The following DSCAM variants were observed in gnomAD, a reference collection of about 807,000 sequenced individuals.
The protein encoded by DSCAM is cell adhesion molecule DSCAM.
A neutral mutation model predicts 217.7 loss-of-function variants in DSCAM; 47 were observed. The ratio of observed to expected loss-of-function variants is 0.22; its 90% CI spans 0.17 to 0.28. The LOEUF (loss-of-function observed/expected upper bound fraction) is 0.28, where lower values mean the gene tolerates loss of function less well. Among genes scored for constraint, DSCAM ranks in the 10% least tolerant of loss-of-function variants. The pLI is 1.00. For synonymous variants in DSCAM, 1,056 were observed against 1,015.3 expected (o/e 1.04, Z -0.76); for missense variants, 2,080 against 2,618.3 (o/e 0.79, Z 4.49).
Position 40,159,879 on chromosome 21 carries a change from G to A in DSCAM, c.3018+7339C>T, listed in dbSNP as rs150378828. On this transcript the variant is annotated intron_variant, in intron 16 of 32. Transcript: ENST00000400454. Reference sequence around the variant, plus strand: ...ATTACAGGCATGTGCCACTGTGCCCGACCCTATCCATCTATTATTAGGTTA... The same window carrying A: ...ATTACAGGCATGTGCCACTGTGCCCAACCCTATCCATCTATTATTAGGTTA... Among the ~76,000 whole-genome samples, 230 of 152,296 alleles carry A rather than the reference G, an allele frequency of 1.5e-3. 1 individual carries two copies. The highest frequency in any genetic ancestry group is 5.2e-3 in the African/African-American group (218 of 41,554).
At chr21:40,300,664 T>A (rs1255757282) in intron 9 of DSCAM, among the ~76,000 whole-genome samples, 1 of 152,218 alleles carries the variant, frequency 6.6e-6, no homozygotes, top group East Asian at 1.9e-4. Flanking sequence ...ATAAATTCTC[T>A]GCCTCTGCCT....
chr21:40,128,871 G>A lies in DSCAM; in HGVS notation c.3563-4543C>T, dbSNP rs148718957. 1.7e-3 allele frequency among the ~76,000 whole-genome samples: 261 copies of A among 152,214 alleles called. 1 individual carries two copies. Among genetic ancestry groups the A allele is most frequent in the African/African-American group, 5.5e-3 (227 of 41,552 alleles). Reference sequence around the variant, plus strand: ...TTAGAAACGATGAGATAAGACATTTGTATTGTTTTAACGTGTTAAGGTTGT... The same window carrying A: ...TTAGAAACGATGAGATAAGACATTTATATTGTTTTAACGTGTTAAGGTTGT... On this transcript the variant is annotated intron_variant, in intron 19 of 32. Coordinates refer to ENST00000400454, the MANE Select transcript of DSCAM (RefSeq NM_001389.5).
intron 14 of DSCAM, among the ~76,000 whole-genome samples, chr21:40,179,321 G>T (rs1298737235): frequency 6.6e-6 from 1 of 151,328 alleles, no homozygotes. Flanking sequence ...CATTATTCAC[G>T]CTGCGAGGGA....
At chr21:40,586,222 G>A (rs371754317) in intron 3 of DSCAM, among the ~76,000 whole-genome samples, 1 of 152,178 alleles carries the variant, frequency 6.6e-6, no homozygotes, top group Admixed American at 6.5e-5. Context: ...GCCTTCCACT[G>A]TGAACAGAAG....
rs577121631 is a variant in DSCAM, at chr21:40,732,858, T to C, written c.44-24087A>G. ...CTTGGAGCCAGCACCACGGATATGA[T>C]GATCACTTGCTATTTTTTCTACTAT... On this transcript the variant is annotated intron_variant, in intron 1 of 32. Coordinates refer to ENST00000400454, the MANE Select transcript of DSCAM (RefSeq NM_001389.5). Among the ~76,000 whole-genome samples the C allele has an allele frequency of 7.2e-5, 11 of 152,360 alleles. No individual in the cohort carries two copies. The South Asian group carries it at 8.3e-4, about 11-fold the overall frequency.
At chr21:40,677,337 C>T (rs2090351734) in intron 3 of DSCAM, among the ~76,000 whole-genome samples, 1 of 151,936 alleles carries the variant, frequency 6.6e-6, no homozygotes, top group African/African-American at 2.4e-5. Flanking sequence ...CACGATCCAA[C>T]ATCTATATCA....
At chr21:40,179,138 G>T in intron 14 of DSCAM, 44 bp from the exon 15 acceptor site, 2 of 1,124,612 alleles carry the variant, frequency 1.8e-6, no homozygotes, top group South Asian at 1.5e-5. Context: ...AGAGACGTGA[G>T]TTTTTTTCCT....
chr21:40,676,765 A>G (rs2090344796), intron 3 of DSCAM, among the ~76,000 whole-genome samples: 1 of 152,134 alleles, frequency 6.6e-6, no homozygotes, highest in Admixed American at 6.6e-5. Context: ...TTTCTTCAAT[A>G]TTTCATCATG....
rs76259453 is a variant in DSCAM at position 40,656,992 on chromosome 21, A to T, written c.508+35818T>A. On this transcript the variant is annotated intron_variant, in intron 3 of 32. Coordinates refer to ENST00000400454, the MANE Select transcript of DSCAM (RefSeq NM_001389.5). ...AATGCAAGTATGGGACTTGAACCAT[A>T]GTATGTCTATCAAAAATATTTTTTA... is the stretch of plus-strand genomic sequence containing the variant. Among the ~76,000 whole-genome samples the T allele has an allele frequency of 9.4e-3, 1,427 of 152,366 alleles. 26 individuals are homozygous for T. The highest frequency in any genetic ancestry group is 0.032 in the African/African-American group (1,316 of 41,584).
At chr21:40,403,456 C>A (rs547443125) in intron 3 of DSCAM, among the ~76,000 whole-genome samples, 62 of 152,118 alleles carry the variant, frequency 4.1e-4, no homozygotes, top group African/African-American at 1.1e-3. Flanking sequence ...ATCTATTTTA[C>A]AAAGAATAAA....
chr21:40,319,753 T>C lies in DSCAM; in HGVS notation c.1784-7394A>G, dbSNP rs2074239665. Among the ~76,000 whole-genome samples, 3 of 152,226 alleles carry C rather than the reference T, an allele frequency of 2.0e-5. No homozygotes were observed. The South Asian group carries it at 6.2e-4, about 32-fold the overall frequency. ...CCAACACTTGTTATCTTTTGACTTT[T>C]TGACCACAGCCATACTAACAACTAA... On this transcript the variant is annotated intron_variant, in intron 8 of 32. Coordinates refer to ENST00000400454, the MANE Select transcript of DSCAM (RefSeq NM_001389.5).
At chr21:40,636,822 T>C (rs992580551) in intron 3 of DSCAM, among the ~76,000 whole-genome samples, 2 of 147,956 alleles carry the variant, frequency 1.4e-5, no homozygotes, top group Non-Finnish European at 1.5e-5. Flanking sequence ...GAGGATATGC[T>C]CCCTCAAAAT....
chr21:40,322,993 C>T (rs2074276929), intron 8 of DSCAM, among the ~76,000 whole-genome samples: 1 of 152,126 alleles, frequency 6.6e-6, no homozygotes, highest in Non-Finnish European at 1.5e-5. Context: ...AAGTTATTGG[C>T]CACCTCGGAG....
At chr21:40,544,603 G>A (rs2076566963) in intron 3 of DSCAM, among the ~76,000 whole-genome samples, 1 of 152,106 alleles carries the variant, frequency 6.6e-6, no homozygotes, top group Non-Finnish European at 1.5e-5. Flanking sequence ...CCAGAAACTG[G>A]AAGAGGCAAA....
intron 3 of DSCAM, among the ~76,000 whole-genome samples, chr21:40,601,147 G>C (rs1230355878): frequency 6.6e-6 from 1 of 152,122 alleles, no homozygotes. Context: ...ATTGAGTCCT[G>C]TCCATGACAA....
chr21:40,817,220 C>T (rs2091888004), intron 1 of DSCAM, among the ~76,000 whole-genome samples: 1 of 152,094 alleles, frequency 6.6e-6, no homozygotes, highest in Non-Finnish European at 1.5e-5. Context: ...CACACCCACA[C>T]TTTTCCTTTT....
At chr21:40,733,959 T>C (rs936214373) in intron 1 of DSCAM, among the ~76,000 whole-genome samples, 1 of 152,204 alleles carries the variant, frequency 6.6e-6, no homozygotes, top group Admixed American at 6.5e-5. Flanking sequence ...TTTCTGTTAA[T>C]TGATTCCAAA....
At chr21:40,319,415 G>T (rs930845325) in intron 8 of DSCAM, among the ~76,000 whole-genome samples, 1 of 152,004 alleles carries the variant, frequency 6.6e-6, no homozygotes, top group African/African-American at 2.4e-5. Context: ...AACAAGAAAG[G>T]CTAAATAATG....
At chr21:40,625,821 C>T (rs1303866422) in intron 3 of DSCAM, among the ~76,000 whole-genome samples, 1 of 152,146 alleles carries the variant, frequency 6.6e-6, no homozygotes, top group African/African-American at 2.4e-5. Flanking sequence ...AGCTGGCATT[C>T]TCCTTTACTA....
Sources: gnomAD v4.1 joint callset for allele counts (sites outside exome capture counted in the v4.1 genomes callset) on GRCh38, gnomAD v4.1.1 for gene constraint, MANE v1.5 for transcripts, NCBI Gene and HGNC (gene_info 2026-07-23, HGNC 2026-07-21) for gene names.